AGMO: variants seen among roughly 807,000 people sequenced by gnomAD.
AGMO encodes alkylglycerol monooxygenase, also known as glyceryl-ether monooxygenase.
In AGMO, 75 loss-of-function variants were observed where a neutral mutation model predicts 60.2. The ratio of observed to expected loss-of-function variants is 1.25; its 90% confidence interval spans 1.03 to 1.51. The LOEUF is 1.51. AGMO is among the 40% of genes most tolerant of loss of function. The probability of loss-of-function intolerance (pLI) is 0.00; values close to 1 mark genes in which losing one functional copy is unlikely to be tolerated. For synonymous variants in AGMO, 261 were observed against 177.1 expected, an observed-to-expected ratio of 1.47 and a Z score of -3.76; for missense variants, 763 against 525.5, an observed-to-expected ratio of 1.45 and a Z score of -4.42.
chr7:15,152,846 C>T, the AGMO span, among the ~76,000 whole-genome samples: 1 of 152,070 alleles, frequency 6.6e-6, no homozygotes. Flanking sequence ...TTCTTTTTCT[C>T]TAGGTAGATA....
chr7:15,225,379 T>A (rs1244449318), intron 12 of AGMO, among the ~76,000 whole-genome samples: 14 of 151,952 alleles, frequency 9.2e-5, no homozygotes, highest in Non-Finnish European at 7.4e-5. Flanking sequence ...TTTGTGGTTT[T>A]AATTACTATG....
At chr7:15,533,227 G>A (rs772459345) in intron 3 of AGMO, among the ~76,000 whole-genome samples, 2 of 152,014 alleles carry the variant, frequency 1.3e-5, no homozygotes, top group Non-Finnish European at 2.9e-5. Flanking sequence ...CTGTTATGCT[G>A]TGGTTATGTA....
intron 12 of AGMO, among the ~76,000 whole-genome samples, chr7:15,290,780 T>C (rs1011234607): frequency 6.6e-6 from 1 of 152,280 alleles, no homozygotes; most frequent in East Asian, 1.9e-4. Flanking sequence ...TCCCAAACTT[T>C]CGTGATGATT....
intron 12 of AGMO, among the ~76,000 whole-genome samples, chr7:15,201,730 C>A (rs1275872964): frequency 6.6e-6 from 1 of 152,008 alleles, no homozygotes; most frequent in Non-Finnish European, 1.5e-5. Flanking sequence ...GGTTAAGAAA[C>A]CTTTGGAATA....
At chr7:15,398,356 G>T (rs1465879754) in intron 5 of AGMO, among the ~76,000 whole-genome samples, 3 of 152,090 alleles carry the variant, frequency 2.0e-5, no homozygotes, top group Admixed American at 2.0e-4. Context: ...AATATTGAAA[G>T]TTCGTTTTTT....
intron 12 of AGMO, among the ~76,000 whole-genome samples, chr7:15,271,720 A>T (rs1022430026): frequency 2.0e-5 from 3 of 152,118 alleles, no homozygotes; most frequent in Non-Finnish European, 4.4e-5. Context: ...AGAAGTTGTG[A>T]AAGTGGACAC....
chr7:15,399,073 T>C (rs1351125440), intron 5 of AGMO, among the ~76,000 whole-genome samples: 5 of 152,222 alleles, frequency 3.3e-5, no homozygotes, highest in Non-Finnish European at 2.9e-5. Context: ...GATTTCAGCT[T>C]CTAAACCTCC....
the AGMO span, among the ~76,000 whole-genome samples, chr7:15,170,844 G>A: frequency 6.6e-6 from 1 of 152,154 alleles, no homozygotes; most frequent in Non-Finnish European, 1.5e-5. Flanking sequence ...GATAGTGTCT[G>A]AGACTTTCCT....
rs901914808 is a variant in AGMO, at chr7:15,448,609, T to A, written c.410-17501A>T. Among the ~76,000 whole-genome samples, 17 of 103,690 alleles carry A rather than the reference T, an allele frequency of 1.6e-4. 1 individual carries two copies. The highest frequency in any genetic ancestry group is 1.6e-3 in the Admixed American group (16 of 10,290). 68.0% of individuals were successfully genotyped at this position (103,690 alleles called of 152,430 possible). A position where few individuals can be genotyped will look rare whatever the true frequency, so the allele number is the denominator to read the frequency against. On this transcript the variant is annotated intron_variant, in intron 3 of 12. Coordinates refer to ENST00000342526, the MANE Select transcript of AGMO (RefSeq NM_001004320.2). ...CAATGACTGATTTCTCCATAAAGTT[T>A]AATTTTTTTTTTTTTTTTTTGCCTA... is the stretch of plus-strand genomic sequence containing the variant.
chr7:15,454,540 A>G (rs1445195637), intron 3 of AGMO, among the ~76,000 whole-genome samples: 4 of 152,128 alleles, frequency 2.6e-5, no homozygotes, highest in African/African-American at 9.7e-5. Context: ...CTATTGACCT[A>G]TATAAGATCG....
chr7:15,548,353 C>T (rs530048421), intron 2 of AGMO, among the ~76,000 whole-genome samples: 25 of 151,368 alleles, frequency 1.7e-4, no homozygotes, highest in Admixed American at 4.6e-4. Context: ...AGGCTTCAGA[C>T]GATCAAATTA....
At chr7:15,488,639 G>A (rs987886184) in intron 3 of AGMO, among the ~76,000 whole-genome samples, 3 of 152,012 alleles carry the variant, frequency 2.0e-5, no homozygotes, top group East Asian at 3.9e-4. Context: ...ATTTTTAAAC[G>A]ACAAAGTACT....
intron 3 of AGMO, among the ~76,000 whole-genome samples, chr7:15,446,839 T>C (rs1158944790): frequency 6.6e-6 from 1 of 152,208 alleles, no homozygotes; most frequent in Non-Finnish European, 1.5e-5. Context: ...GAAAGATTGA[T>C]GTCTGGTGTC....
intron 3 of AGMO, among the ~76,000 whole-genome samples, chr7:15,493,401 T>G (rs1337685846): frequency 2.6e-5 from 3 of 117,114 alleles, no homozygotes; most frequent in Non-Finnish European, 4.9e-5. Context: ...TGAGACGGAG[T>G]CTCGCTCTGT....
chr7:15,442,207 T>G (rs1583556865), intron 3 of AGMO, among the ~76,000 whole-genome samples: 1 of 152,232 alleles, frequency 6.6e-6, no homozygotes, highest in East Asian at 1.9e-4. Context: ...AGAAGCAATC[T>G]GCCCCTGTGA....
intron 3 of AGMO, among the ~76,000 whole-genome samples, chr7:15,495,831 T>TCTCTCTCTCTC (rs781346786): frequency 6.1e-5 from 9 of 146,478 alleles, no homozygotes; most frequent in Non-Finnish European, 9.2e-5. Flanking sequence ...TCTCTCTCTC[T>TCTCTCTCTCTC]CTCTCTCTCT....
At position 15,351,943 on chromosome 7, in the gene AGMO, T is replaced by C. The variant is rs147997184; in HGVS notation, c.1263+13571A>G. Among the ~76,000 whole-genome samples, 136 of 152,316 alleles carry C rather than the reference T, an allele frequency of 8.9e-4. No individual in the cohort carries two copies. The East Asian group carries it at 0.02, about 22-fold the overall frequency. On this transcript the variant is annotated intron_variant, in intron 12 of 12. Coordinates refer to ENST00000342526, the MANE Select transcript of AGMO (RefSeq NM_001004320.2). Reference sequence around the variant, plus strand: ...ACAGTAACATATGAATTCGGTAATATTGACCTAATAAAGCCCAGATAGCAT... The same window carrying C: ...ACAGTAACATATGAATTCGGTAATACTGACCTAATAAAGCCCAGATAGCAT...
At chr7:15,521,914 G>A (rs554749777) in intron 3 of AGMO, among the ~76,000 whole-genome samples, 1 of 152,268 alleles carries the variant, frequency 6.6e-6, no homozygotes, top group South Asian at 2.1e-4. Context: ...AATTACCTCT[G>A]TTTGCAGATG....
At chr7:15,413,185 A>G (rs886131515) in intron 5 of AGMO, among the ~76,000 whole-genome samples, 6 of 152,228 alleles carry the variant, frequency 3.9e-5, no homozygotes, top group Non-Finnish European at 7.3e-5. Flanking sequence ...TAAATGTATA[A>G]TATTTAATGT....
Sources: gnomAD v4.1 joint callset for allele counts (sites outside exome capture counted in the v4.1 genomes callset) on GRCh38, gnomAD v4.1.1 for gene constraint, MANE v1.5 for transcripts, NCBI Gene and HGNC (gene_info 2026-07-23, HGNC 2026-07-21) for gene names.